The following SLC16A7 variants were observed in gnomAD, a reference collection of about 807,000 sequenced individuals.
SLC16A7 encodes the protein solute carrier family 16 member 7.
SLC16A7 carries 33 observed loss-of-function variants against 34.9 expected under a neutral mutation model. The observed-to-expected ratio is 0.94, with a 90% CI of 0.72 to 1.26. The LOEUF (loss-of-function observed/expected upper bound fraction) is 1.26, where lower values mean the gene tolerates loss of function less well. SLC16A7 is among the 50% of genes most tolerant of loss of function. The pLI, the probability that SLC16A7 is intolerant of heterozygous loss-of-function variation, is 0.00. For synonymous variants in SLC16A7, 201 were observed against 206.6 expected, an observed-to-expected ratio of 0.97 and a Z score of 0.23; for missense variants, 573 against 578.1, an observed-to-expected ratio of 0.99 and a Z score of 0.09.
intron 3 of SLC16A7, among the ~76,000 whole-genome samples, chr12:59,761,436 G>A (rs572462137): frequency 6.6e-6 from 1 of 152,144 alleles, no homozygotes; most frequent in East Asian, 1.9e-4. Context: ...GTTATACAAA[G>A]AGTACAGAAA....
intron 2 of SLC16A7, among the ~76,000 whole-genome samples, chr12:59,690,546 C>CAGTT (rs1871528496): frequency 6.6e-6 from 1 of 151,814 alleles, no homozygotes; most frequent in Non-Finnish European, 1.5e-5. Context: ...TAGGAAGGGC[C>CAGTT]AGTTATGTGG....
intron 1 of SLC16A7, among the ~76,000 whole-genome samples, chr12:59,635,066 G>A (rs1036388288): frequency 2.0e-5 from 3 of 151,968 alleles, no homozygotes; most frequent in African/African-American, 7.2e-5. Context: ...TGAGGCCTAA[G>A]GCTAGAATAT....
rs147158381 is a variant in SLC16A7 at position 59,611,713 on chromosome 12, A to G, written c.-130+15477A>G. The stretch of plus-strand genomic sequence containing the variant: ...CAAGTTAGTTACTTTCTATTAATAG[A>G]TACAATAGGGTAAACACACCCATTC... On this transcript the variant is annotated intron_variant, in intron 1 of 5. Transcript: ENST00000547379. 1.2e-3 allele frequency among the ~76,000 whole-genome samples: 181 copies of G among 152,264 alleles called. 1 individual carries two copies. The highest frequency in any genetic ancestry group is 4.0e-3 in the African/African-American group (167 of 41,568).
chr12:59,770,762 T>A (rs1353723013), intron 3 of SLC16A7, among the ~76,000 whole-genome samples: 1 of 152,146 alleles, frequency 6.6e-6, no homozygotes, highest in Non-Finnish European at 1.5e-5. Flanking sequence ...AAGATAATTT[T>A]AAAAAACAAT....
chr12:59,700,641 T>C (rs36072512), intron 2 of SLC16A7, among the ~76,000 whole-genome samples: 11,875 of 151,308 alleles, frequency 0.078, 548 homozygotes, highest in Middle Eastern at 0.18. Flanking sequence ...CATATACATA[T>C]ACACACGTAC....
intron 1 of SLC16A7, among the ~76,000 whole-genome samples, chr12:59,637,011 G>C (rs1422081905): frequency 6.6e-6 from 1 of 152,068 alleles, no homozygotes; most frequent in Non-Finnish European, 1.5e-5. Context: ...AAATAGTTAA[G>C]AATAATCAGC....
chr12:59,631,845 G>A (rs1037314967), intron 1 of SLC16A7, among the ~76,000 whole-genome samples: 13 of 151,952 alleles, frequency 8.6e-5, no homozygotes, highest in African/African-American at 2.4e-4. Context: ...TGTAGAGATG[G>A]TTGGGAAAGT....
intron 3 of SLC16A7, among the ~76,000 whole-genome samples, chr12:59,717,071 T>G (rs1299061555): frequency 6.6e-6 from 1 of 152,180 alleles, no homozygotes; most frequent in Non-Finnish European, 1.5e-5. Context: ...GTTGCTTATT[T>G]GACTTTTGGG....
chr12:59,699,225 A>G (rs777193723), intron 2 of SLC16A7, among the ~76,000 whole-genome samples: 28 of 151,670 alleles, frequency 1.8e-4, no homozygotes, highest in Non-Finnish European at 3.4e-4. Context: ...TGAAGTATAA[A>G]TATGATGCCT....
Position 59,680,299 on chromosome 12 carries a change from A to C in SLC16A7, c.-30-24473A>C, listed in dbSNP as rs575982947. ...CCTGGGGCCGAACATCACAGAAGAT[A>C]GAGGACTTTTTCCAATGTAGTGTTT... On this transcript the variant is annotated intron_variant, in intron 2 of 5. Coordinates refer to ENST00000547379, the MANE Select transcript of SLC16A7 (RefSeq NM_001270623.2). Among the ~76,000 whole-genome samples the C allele has an allele frequency of 1.1e-3, 169 of 152,350 alleles. 6 individuals carry two copies. In the South Asian group the frequency reaches 0.014, roughly 12 times the overall value.
chr12:59,787,965 G>T lies in SLC16A7; in HGVS notation c.*8286G>T, dbSNP rs973280019. The stretch of plus-strand genomic sequence containing the variant: ...CCTGATATTGCAGATGAAAGAGCAG[G>T]GTCTTTTCAAGTGCTTGCTACAACT... On this transcript the variant is annotated 3_prime_UTR_variant, in exon 6 of 6. Transcript: ENST00000547379. 36 of 152,022 alleles carry T rather than the reference G, an allele frequency of 2.4e-4. No individual in the cohort carries two copies. Among genetic ancestry groups the T allele is most frequent in the Admixed American group, 1.6e-3 (25 of 15,254 alleles). The allele number at this position is 152,022 out of a possible 1,614,324, so 9.4% of individuals were successfully genotyped here.
chr12:59,782,542 C>T lies in SLC16A7; in HGVS notation c.*2863C>T, dbSNP rs1269225812. 6.6e-6 allele frequency: 1 copy of T among 152,100 alleles called. No homozygotes were observed. Among genetic ancestry groups the T allele is most frequent in the African/African-American group, 2.4e-5 (1 of 41,408 alleles). The allele number at this position is 152,100 out of a possible 1,614,324, so 9.4% of individuals were successfully genotyped here. A position where few individuals can be genotyped will look rare whatever the true frequency, so the allele number is the denominator to read the frequency against. On this transcript the variant is annotated 3_prime_UTR_variant, in exon 6 of 6. Transcript: ENST00000547379. ...AAGTCAGGGTATACCACTACAATCC[C>T]CACTAATCTCTATTCCCACATTATG...
chr12:59,718,160 T>C (rs1263448420), intron 3 of SLC16A7, among the ~76,000 whole-genome samples: 3 of 152,206 alleles, frequency 2.0e-5, no homozygotes, highest in Non-Finnish European at 4.4e-5. Context: ...ATGGTACTTA[T>C]GTAATATTCC....
At position 59,602,090 on chromosome 12, in the gene SLC16A7, T is replaced by C. The variant is rs116143552; in HGVS notation, c.-130+5854T>C. ...GGTTGAAAACTGTCAGCCAATAAGA[T>C]CAAATTGAGATTGTTTAAACAATTT... On this transcript the variant is annotated intron_variant, in intron 1 of 5. Transcript: ENST00000547379. Among the ~76,000 whole-genome samples the C allele has an allele frequency of 2.0e-3, 300 of 152,328 alleles. 1 individual carries two copies. Among genetic ancestry groups the C allele is most frequent in the African/African-American group, 6.9e-3 (288 of 41,584 alleles).
At chr12:59,689,425 T>C (rs1409711482) in intron 2 of SLC16A7, 2 of 152,026 alleles carry the variant, frequency 1.3e-5, no homozygotes, top group African/African-American at 2.4e-5. Context: ...GGGAAACTTA[T>C]GTCTTGGTGA....
intron 1 of SLC16A7, among the ~76,000 whole-genome samples, chr12:59,614,824 TAAAA>T (rs71448588): frequency 2.8e-5 from 1 of 35,744 alleles, no homozygotes; most frequent in East Asian, 8.9e-4. Context: ...CCATTCCTAC[TAAAA>T]AAAAAAAAAA....
chr12:59,746,507 T>G (rs1878904691), intron 3 of SLC16A7, among the ~76,000 whole-genome samples: 1 of 152,206 alleles, frequency 6.6e-6, no homozygotes, highest in Non-Finnish European at 1.5e-5. Flanking sequence ...AGTCAAAGTC[T>G]AAAGAAAACT....
At chr12:59,714,288 A>G (rs566828098) in intron 3 of SLC16A7, among the ~76,000 whole-genome samples, 2 of 152,342 alleles carry the variant, frequency 1.3e-5, no homozygotes, top group African/African-American at 2.4e-5. Context: ...ATCCATATAA[A>G]CAAAAGAGAA....
chr12:59,659,800 T>C (rs1868741436), intron 2 of SLC16A7, among the ~76,000 whole-genome samples: 1 of 152,050 alleles, frequency 6.6e-6, no homozygotes, highest in Non-Finnish European at 1.5e-5. Context: ...GGAAGGCATA[T>C]CTGGAAAAGG....
Sources: allele counts gnomAD v4.1 joint callset (sites outside exome capture counted in the v4.1 genomes callset), GRCh38; gene constraint gnomAD v4.1.1; transcripts MANE v1.5; gene names NCBI Gene and HGNC (gene_info 2026-07-23, HGNC 2026-07-21).